The following FGF13 variants were observed in gnomAD, a reference collection of about 807,000 sequenced individuals.
FGF13 encodes the protein fibroblast growth factor homologous factor 2.
A neutral mutation model predicts 19.5 loss-of-function variants in FGF13; 2 were observed. The ratio of observed to expected loss-of-function variants is 0.10; its 90% CI spans 0.04 to 0.32. The LOEUF is 0.32. FGF13 is among the 10% of genes least tolerant of loss of function. FGF13 has a pLI of 1.00. For synonymous variants in FGF13, 72 were observed against 76.9 expected (o/e 0.94, Z 0.33); for missense variants, 113 against 192.7 (o/e 0.59, Z 2.45).
At chrX:138,659,629 T>G (rs1020626361) in intron 3 of FGF13, among the ~76,000 whole-genome samples, 3 of 111,845 alleles carry the variant, frequency 2.7e-5, no homozygotes, top group African/African-American at 9.8e-5. Context: ...TGTGGCACTA[T>G]TCACAATAGC....
intron 1 of FGF13, among the ~76,000 whole-genome samples, chrX:139,098,763 A>G (rs1350852132): frequency 1.8e-5 from 2 of 111,775 alleles, no homozygotes; most frequent in Non-Finnish European, 3.8e-5. Flanking sequence ...ACAAAGATTG[A>G]AAAATTACCT....
At chrX:139,141,145 T>C in intron 1 of FGF13, among the ~76,000 whole-genome samples, 1 of 105,503 alleles carries the variant, frequency 9.5e-6, no homozygotes, top group East Asian at 3.0e-4. Flanking sequence ...TTGGCACCCT[T>C]TCCCCAAGGG....
intron 1 of FGF13, among the ~76,000 whole-genome samples, chrX:139,165,650 C>T (rs1344990615): frequency 9.0e-6 from 1 of 111,596 alleles, no homozygotes; most frequent in African/African-American, 3.3e-5. Context: ...CTGCTCCCCA[C>T]GTTCTGGAGC....
intron 1 of FGF13, among the ~76,000 whole-genome samples, chrX:138,892,831 A>G (rs1451333019): frequency 9.1e-6 from 1 of 109,776 alleles, no homozygotes; most frequent in Non-Finnish European, 1.9e-5. Flanking sequence ...TGGGTGGTAG[A>G]CATACTTAGC....
chrX:138,657,249 A>C (rs1313830500), intron 3 of FGF13, among the ~76,000 whole-genome samples: 1 of 112,286 alleles, frequency 8.9e-6, no homozygotes, highest in Non-Finnish European at 1.9e-5. Context: ...GAAAATATTT[A>C]GTTGAATCTT....
Position 139,054,899 on chromosome X carries a change from G to GTTGTA in FGF13, c.-113+148512_-113+148516dup, listed in dbSNP as rs555643117. 1.3e-3 allele frequency among the ~76,000 whole-genome samples: 132 copies of GTTGTA among 98,942 alleles called. 1 individual carries two copies. The highest frequency in any genetic ancestry group is 1.0e-2 in the Middle Eastern group (2 of 201). The allele number at this position is 98,942 out of a possible 115,157, so 85.9% of individuals were successfully genotyped here. ...GTTGTGTTGTGTTGTGTTGTGTTGT[G>GTTGTA]TTGTATTGTATTGTATTGTATTGTA... On this transcript the variant is annotated intron_variant, in intron 1 of 2. Coordinates refer to the FGF13 transcript ENST00000421460.
intron 1 of FGF13, among the ~76,000 whole-genome samples, chrX:138,873,684 G>C (rs1057145759): frequency 3.0e-4 from 33 of 110,700 alleles, no homozygotes; most frequent in African/African-American, 1.1e-3. Context: ...CTGGTCATTT[G>C]GGGAGTGTTT....
chrX:139,043,686 T>A (rs2092277742), intron 1 of FGF13, among the ~76,000 whole-genome samples: 1 of 111,706 alleles, frequency 9.0e-6, no homozygotes, highest in Non-Finnish European at 1.9e-5. Flanking sequence ...GCAGCACTAG[T>A]CACAATAGCC....
intron 2 of FGF13, among the ~76,000 whole-genome samples, chrX:138,861,827 A>C (rs2091289693): frequency 9.1e-6 from 1 of 110,262 alleles, no homozygotes; most frequent in Non-Finnish European, 1.9e-5. Flanking sequence ...ACATGGCAAA[A>C]CCCTATCTCT....
chrX:138,698,194 G>A (rs1303189565), intron 3 of FGF13, among the ~76,000 whole-genome samples: 1 of 110,732 alleles, frequency 9.0e-6, no homozygotes, highest in Non-Finnish European at 1.9e-5. Context: ...CAAGAATTCT[G>A]AGATTAATCA....
upstream of FGF13, chrX:139,204,414 C>G: frequency 6.1e-6 from 1 of 163,459 alleles, no homozygotes; most frequent in Non-Finnish European, 1.1e-5. Context: ...CGCGGCGCTT[C>G]CTCCGCGCCC....
At chrX:139,173,477 C>T (rs1489521269) in intron 1 of FGF13, among the ~76,000 whole-genome samples, 1 of 110,230 alleles carries the variant, frequency 9.1e-6, no homozygotes, top group African/African-American at 3.3e-5. Flanking sequence ...CGGGTATATA[C>T]GTGCCATGGT....
chrX:138,791,667 C>A (rs1602859792), intron 3 of FGF13, among the ~76,000 whole-genome samples: 1 of 112,125 alleles, frequency 8.9e-6, no homozygotes. Context: ...TGTACCAACA[C>A]TTTAATTTCT....
intron 1 of FGF13, among the ~76,000 whole-genome samples, chrX:139,197,925 C>T (rs2084385984): frequency 1.1e-5 from 1 of 88,761 alleles, no homozygotes; most frequent in African/African-American, 4.4e-5. Context: ...ACCTGGGAGG[C>T]GGAGGTTGCA....
intron 3 of FGF13, among the ~76,000 whole-genome samples, chrX:138,842,000 T>C (rs1166767540): frequency 8.9e-6 from 1 of 111,978 alleles, no homozygotes; most frequent in Non-Finnish European, 1.9e-5. Context: ...AGCTTGAATG[T>C]TCTAAGTTTT....
intron 1 of FGF13, among the ~76,000 whole-genome samples, chrX:138,967,356 G>T (rs1457518234): frequency 9.0e-6 from 1 of 110,934 alleles, no homozygotes; most frequent in Non-Finnish European, 1.9e-5. Context: ...GATTTTCTTG[G>T]CTTACAAAAA....
intron 1 of FGF13, among the ~76,000 whole-genome samples, chrX:139,126,229 C>T (rs1009029121): frequency 3.6e-5 from 4 of 111,743 alleles, no homozygotes; most frequent in Admixed American, 2.9e-4. Flanking sequence ...AAAATGTTCA[C>T]TGACCCTTCC....
chrX:138,815,517 T>A (rs1268192364), intron 3 of FGF13, among the ~76,000 whole-genome samples: 1 of 110,635 alleles, frequency 9.0e-6, no homozygotes, highest in African/African-American at 3.3e-5. Flanking sequence ...GGTGTGGTAC[T>A]GACACATCAA....
At chrX:139,198,654 A>T (rs2084392559) in intron 1 of FGF13, among the ~76,000 whole-genome samples, 1 of 112,241 alleles carries the variant, frequency 8.9e-6, no homozygotes, top group Non-Finnish European at 1.9e-5. Flanking sequence ...TACAACTCAG[A>T]TCCCTTAATA....
Sources: allele counts gnomAD v4.1 joint callset (sites outside exome capture counted in the v4.1 genomes callset), GRCh38; gene constraint gnomAD v4.1.1; transcripts MANE v1.5; gene names NCBI Gene and HGNC (gene_info 2026-07-23, HGNC 2026-07-21).